The following DLG2 variants were observed in gnomAD, a reference collection of about 807,000 sequenced individuals.
DLG2 encodes discs large MAGUK scaffold protein 2.
A neutral mutation model predicts 132.5 loss-of-function variants in DLG2; 45 were observed. The observed-to-expected ratio is 0.34, with a 90% CI of 0.27 to 0.44. The LOEUF (loss-of-function observed/expected upper bound fraction) is 0.44. Among genes scored for constraint, DLG2 ranks in the 20% least tolerant of loss-of-function variants. The pLI, the probability that DLG2 is intolerant of heterozygous loss-of-function variation, is 1.00. For synonymous variants in DLG2, 424 were observed against 419.6 expected (o/e 1.01, Z -0.13); for missense variants, 1,045 against 1,196.9 (o/e 0.87, Z 1.87).
chr11:84,737,776 G>A (rs1409051094), intron 6 of DLG2, among the ~76,000 whole-genome samples: 1 of 151,906 alleles, frequency 6.6e-6, no homozygotes, highest in Non-Finnish European at 1.5e-5. Flanking sequence ...TCAACTCAAG[G>A]AACATCTTAG....
chr11:84,588,012 C>A (rs1441546461), intron 6 of DLG2, among the ~76,000 whole-genome samples: 1 of 152,118 alleles, frequency 6.6e-6, no homozygotes, highest in Non-Finnish European at 1.5e-5. Flanking sequence ...CTTAACAAGC[C>A]CAAACATTTT....
chr11:84,893,987 A>G (rs998499338), intron 6 of DLG2, among the ~76,000 whole-genome samples: 8 of 152,170 alleles, frequency 5.3e-5, no homozygotes, highest in African/African-American at 1.9e-4. Context: ...TAATCTCAGA[A>G]GTGTTCAGAA....
chr11:83,632,551 T>C (rs7131460), intron 19 of DLG2: 49,086 of 152,082 alleles, frequency 0.32, 8,259 homozygotes, highest in African/African-American at 0.4. Flanking sequence ...ATGTTATAGT[T>C]GAGTGTTGAT....
At chr11:84,858,362 T>C (rs17741384) in intron 6 of DLG2, among the ~76,000 whole-genome samples, 14,479 of 152,134 alleles carry the variant, frequency 0.095, 957 homozygotes, top group South Asian at 0.13. Flanking sequence ...CAACTTCTGA[T>C]AGGAGTACCT....
chr11:85,502,399 T>C (rs1433096119), intron 3 of DLG2, among the ~76,000 whole-genome samples: 5 of 150,994 alleles, frequency 3.3e-5, no homozygotes, highest in Non-Finnish European at 5.9e-5. Context: ...TCTGCACATG[T>C]AACCCAGAAC....
intron 6 of DLG2, among the ~76,000 whole-genome samples, chr11:84,698,815 A>C (rs1254835825): frequency 6.6e-6 from 1 of 151,592 alleles, no homozygotes; most frequent in African/African-American, 2.4e-5. Context: ...TTCTGCCACA[A>C]TTCATCACTG....
chr11:85,040,023 G>T lies in DLG2; in HGVS notation c.357+71638C>A, dbSNP rs191280769. On this transcript the variant is annotated intron_variant, in intron 6 of 27. Coordinates refer to ENST00000376104, the MANE Select transcript of DLG2 (RefSeq NM_001142699.3). ...ACAAAGGGGAGAAGCAGGTGAATCC[G>T]GATTCCATAGCAAAATCGTGCTATA... Among the ~76,000 whole-genome samples the T allele has an allele frequency of 1.1e-4, 16 of 151,858 alleles. No individual in the cohort carries two copies. The East Asian group carries it at 2.9e-3, about 28-fold the overall frequency.
chr11:84,871,825 C>T (rs755642201), intron 6 of DLG2, among the ~76,000 whole-genome samples: 4 of 152,032 alleles, frequency 2.6e-5, no homozygotes, highest in African/African-American at 7.2e-5. Context: ...TGGGTTCAAG[C>T]GAGCATGTGC....
Position 84,342,055 on chromosome 11 carries a change from CTT to C in DLG2, c.520-90766_520-90765del, listed in dbSNP as rs556036960. Among the ~76,000 whole-genome samples the C allele has an allele frequency of 1.3e-4, 19 of 147,604 alleles. No homozygotes were observed. In the East Asian group the frequency reaches 3.5e-3, roughly 27 times the overall value. ...ATACAATGTCCTAACCTGGACTTTT[CTT>C]TTTTTTTTTAATTTTATTTAGGGTA... On this transcript the variant is annotated intron_variant, in intron 7 of 27. Coordinates refer to ENST00000376104, the MANE Select transcript of DLG2 (RefSeq NM_001142699.3).
chr11:84,893,156 T>G (rs2089671820), intron 6 of DLG2, among the ~76,000 whole-genome samples: 1 of 152,100 alleles, frequency 6.6e-6, no homozygotes, highest in Non-Finnish European at 1.5e-5. Context: ...TTCACATACT[T>G]TAGAAGGTCT....
intron 6 of DLG2, among the ~76,000 whole-genome samples, chr11:84,960,618 T>C (rs535005235): frequency 6.6e-6 from 1 of 152,128 alleles, no homozygotes; most frequent in East Asian, 1.9e-4. Flanking sequence ...TTTGTATTTT[T>C]AGGAGAGATG....
intron 12 of DLG2, among the ~76,000 whole-genome samples, chr11:83,971,526 T>A (rs914475038): frequency 2.0e-5 from 3 of 152,064 alleles, no homozygotes; most frequent in Non-Finnish European, 4.4e-5. Flanking sequence ...GAGAATATAA[T>A]AAAGAGGAAT....
chr11:83,586,268 C>G (rs1487990573), intron 19 of DLG2, among the ~76,000 whole-genome samples: 1 of 152,230 alleles, frequency 6.6e-6, no homozygotes, highest in African/African-American at 2.4e-5. Flanking sequence ...ATTCTGTGCC[C>G]ACTATGTTTA....
intron 15 of DLG2, among the ~76,000 whole-genome samples, chr11:83,881,008 A>C (rs1403309493): frequency 6.7e-6 from 1 of 150,344 alleles, no homozygotes; most frequent in Non-Finnish European, 1.5e-5. Flanking sequence ...GATATCTATT[A>C]AGTTGGTGCA....
intron 3 of DLG2, among the ~76,000 whole-genome samples, chr11:85,520,515 C>CCACCCACACA (rs1555170954): frequency 3.4e-5 from 5 of 148,038 alleles, no homozygotes. Flanking sequence ...GTATATGGAA[C>CCACCCACACA]CACACACACA....
chr11:83,569,659 T>C (rs1205759138), intron 19 of DLG2, among the ~76,000 whole-genome samples: 1 of 152,136 alleles, frequency 6.6e-6, no homozygotes, highest in East Asian at 1.9e-4. Flanking sequence ...AACCCAGGGA[T>C]AGTTTCTCTT....
intron 8 of DLG2, among the ~76,000 whole-genome samples, chr11:84,194,241 C>T (rs2096469561): frequency 6.6e-6 from 1 of 152,166 alleles, no homozygotes; most frequent in Non-Finnish European, 1.5e-5. Context: ...CTTGGTCTCG[C>T]TGACTTTCAA....
chr11:84,164,443 A>G (rs1252979504), intron 8 of DLG2, among the ~76,000 whole-genome samples: 1 of 152,184 alleles, frequency 6.6e-6, no homozygotes, highest in Non-Finnish European at 1.5e-5. Flanking sequence ...CTATAAAGCC[A>G]TACTTTTTAT....
chr11:84,539,883 A>G lies in DLG2; in HGVS notation c.358-5152T>C, dbSNP rs112038746. Among the ~76,000 whole-genome samples, 1,319 of 152,264 alleles carry G rather than the reference A, an allele frequency of 8.7e-3. 17 individuals carry two copies. The highest frequency in any genetic ancestry group is 0.03 in the African/African-American group (1,226 of 41,538). ...ACAGAACAGAGCCCTCAGAAATAAT[A>G]CCACACATCTACAACCATCTGATCT... On this transcript the variant is annotated intron_variant, in intron 6 of 27. Transcript: ENST00000376104.
Sources: allele counts gnomAD v4.1 joint callset (sites outside exome capture counted in the v4.1 genomes callset), GRCh38; gene constraint gnomAD v4.1.1; transcripts MANE v1.5; gene names NCBI Gene and HGNC (gene_info 2026-07-23, HGNC 2026-07-21).